The following PCM1 variants were observed in gnomAD, a reference collection of about 807,000 sequenced individuals.
PCM1 encodes pericentriolar material 1.
In PCM1, 157 loss-of-function variants were observed where a neutral mutation model predicts 241.9. The ratio of observed to expected loss-of-function variants is 0.65; its 90% CI spans 0.57 to 0.74. The LOEUF is 0.74. PCM1 is among the 30% of genes least tolerant of loss of function. The pLI, the probability that PCM1 is intolerant of heterozygous loss-of-function variation, is 0.00. For missense variants in PCM1, 3,478 were observed against 2,360.1 expected (o/e 1.47, Z -9.81); for synonymous variants, 1,085 against 784.9 (o/e 1.38, Z -6.39).
chr8:18,018,875 TATATACACAC>T (rs1305526440), intron 36 of PCM1, among the ~76,000 whole-genome samples: 1,013 of 48,462 alleles, frequency 0.021, 28 homozygotes, highest in African/African-American at 0.059. Context: ...TATATATATA[TATATACACAC>T]ACATATACAT....
chr8:17,947,468 A>C, intron 7 of PCM1, 105 bp downstream of exon 7: 1 of 858,972 alleles, frequency 1.2e-6, no homozygotes, highest in Non-Finnish European at 1.8e-6. Context: ...ATTGTTGTCT[A>C]GTTTAGAAAC....
At chr8:18,017,754 G>A (rs2093360084) in intron 36 of PCM1, among the ~76,000 whole-genome samples, 1 of 152,200 alleles carries the variant, frequency 6.6e-6, no homozygotes, top group Non-Finnish European at 1.5e-5. Context: ...ACAGGAGGCT[G>A]AGGCAGGAGA....
chr8:18,024,470 A>G (rs1219731200), intron 36 of PCM1, among the ~76,000 whole-genome samples: 1 of 152,214 alleles, frequency 6.6e-6, no homozygotes, highest in Admixed American at 6.5e-5. Context: ...TAACTCTTCT[A>G]ACTCTTTTGT....
chr8:17,999,865 C>T (rs2088608966), intron 29 of PCM1, among the ~76,000 whole-genome samples: 1 of 152,006 alleles, frequency 6.6e-6, no homozygotes, highest in Admixed American at 6.5e-5. Context: ...CCACAACATT[C>T]ATTCCAAAAT....
chr8:17,926,857 A>G (rs2057178034), intron 2 of PCM1: 1 of 152,160 alleles, frequency 6.6e-6, no homozygotes, highest in Non-Finnish European at 1.5e-5. Context: ...AGAAAGAGGA[A>G]CTTCAGAAGT....
chr8:17,979,311 A>C (rs2079869456), intron 23 of PCM1, among the ~76,000 whole-genome samples: 1 of 152,158 alleles, frequency 6.6e-6, no homozygotes, highest in Non-Finnish European at 1.5e-5. Context: ...AATAATTGGA[A>C]TTATAATGGT....
intron 13 of PCM1, among the ~76,000 whole-genome samples, chr8:17,958,425 A>C (rs1320574205): frequency 6.6e-6 from 1 of 152,216 alleles, no homozygotes; most frequent in African/African-American, 2.4e-5. Flanking sequence ...ACTATAATGT[A>C]CAATTGTATA....
At position 17,978,044 on chromosome 8, in the gene PCM1, T is replaced by C. The variant is rs143598474; in HGVS notation, c.3944-2547T>C. ...GAACAAAATATTGAACAAATACACT[T>C]GAACAAAATAATAAGGGCACATAAG... On this transcript the variant is annotated intron_variant, in intron 23 of 38. Transcript: ENST00000325083. 3.9e-5 allele frequency among the ~76,000 whole-genome samples: 6 copies of C among 152,092 alleles called. No homozygotes were observed. The East Asian group carries it at 9.7e-4, about 25-fold the overall frequency.
At chr8:17,969,418 T>G (rs1328006672) in intron 21 of PCM1, 159 bp from the exon 22 acceptor site, 2 of 594,102 alleles carry the variant, frequency 3.4e-6, no homozygotes, top group East Asian at 6.0e-5. Context: ...GCCTAAGCTG[T>G]GAACAGTGAT....
chr8:17,923,830 T>G, intron 1 of PCM1, among the ~76,000 whole-genome samples: 1 of 151,996 alleles, frequency 6.6e-6, no homozygotes, highest in East Asian at 1.9e-4. Context: ...CTAGTTAGAA[T>G]TGGGCCTAGA....
rs1194765643 is a variant in PCM1 at position 18,029,164 on chromosome 8, A to AAT, written c.*1503_*1504insTA. 5.6e-6 allele frequency: 1 copy of AAT among 179,392 alleles called. No homozygotes were observed. The highest frequency in any genetic ancestry group is 1.2e-5 in the Non-Finnish European group (1 of 84,716). 11.1% of individuals were successfully genotyped at this position (179,392 alleles called of 1,614,324 possible). On this transcript the variant is annotated 3_prime_UTR_variant, in exon 39 of 39. Coordinates refer to ENST00000325083, the MANE Select transcript of PCM1 (RefSeq NM_006197.4). ...AGAGCGAGACTCTGTCTCAAAAAAA[A>AAT]AAAAAAAAAAAAAAAAAAGTTAACT...
In PCM1 at chr8:18,025,785, G is replaced by C. The variant is rs141274110; in HGVS notation, c.6049+127G>C. 1.8e-5 allele frequency: 11 copies of C among 597,630 alleles called. No individual in the cohort carries two copies. The African/African-American group carries it at 1.9e-4, about 10-fold the overall frequency. 37.0% of individuals were successfully genotyped at this position (597,630 alleles called of 1,614,324 possible). On this transcript the variant is annotated intron_variant, in intron 38 of 38. Transcript: ENST00000325083. ...ATTTAAGCCAAATACTAGAAAGAAA[G>C]TGTAATTCTGTAAGAATTTTAGTTC...
chr8:17,954,427 C>CAAA (rs57686395), intron 9 of PCM1, among the ~76,000 whole-genome samples: 7 of 108,788 alleles, frequency 6.4e-5, no homozygotes, highest in African/African-American at 2.2e-4. Context: ...AACTCCATCT[C>CAAA]AAAAAAAAAA....
At chr8:17,995,353 G>A (rs1292054609) in intron 29 of PCM1, among the ~76,000 whole-genome samples, 2 of 151,226 alleles carry the variant, frequency 1.3e-5, no homozygotes, top group Non-Finnish European at 2.9e-5. Context: ...ATGTGGATTT[G>A]TTTCTGGGTT....
In PCM1 at chr8:17,953,030, T is replaced by A. The variant is rs772599725; in HGVS notation, c.1132T>A (p.Ser378Thr). Residue 378 changes from serine to threonine, a missense_variant, in exon 9 of 39, where the codon TCC becomes ACC. Coordinates refer to ENST00000325083, the MANE Select transcript of PCM1 (RefSeq NM_006197.4). Reference protein sequence around the residue: ...AESLSLTREVSQSRKPSASER... With the variant: ...AESLSLTREVTQSRKPSASER... ...AAGTCTTTCATTAACTAGGGAGGTT[T>A]CCCAGAGCAGGAAACCATCAGCTTC... 1.3e-5 allele frequency: 21 copies of A among 1,609,454 alleles called. No individual in the cohort carries two copies. Among genetic ancestry groups the A allele is most frequent in the Non-Finnish European group, 1.5e-5 (18 of 1,177,666 alleles).
intron 10 of PCM1, chr8:17,955,898 A>G (rs1292422560): frequency 5.9e-6 from 3 of 504,612 alleles, no homozygotes; most frequent in African/African-American, 1.9e-5. Flanking sequence ...AGGATCAAAA[A>G]TAAGATTACA....
chr8:17,997,787 A>T (rs1437169322), intron 29 of PCM1, among the ~76,000 whole-genome samples: 1 of 150,984 alleles, frequency 6.6e-6, no homozygotes, highest in Non-Finnish European at 1.5e-5. Context: ...GCACTTTGGG[A>T]GGCTGGGGCG....
chr8:17,944,307 T>C (rs1004558793), intron 6 of PCM1, among the ~76,000 whole-genome samples: 14 of 152,138 alleles, frequency 9.2e-5, no homozygotes, highest in African/African-American at 3.4e-4. Context: ...GAACCTGATT[T>C]CCCTTAACTG....
At chr8:17,986,351 G>T in intron 26 of PCM1, 1 of 224,058 alleles carries the variant, frequency 4.5e-6, no homozygotes, top group Non-Finnish European at 8.7e-6. Flanking sequence ...ACCCAGTATA[G>T]GGGCTGACTC....
Sources: allele counts gnomAD v4.1 joint callset (sites outside exome capture counted in the v4.1 genomes callset), GRCh38; gene constraint gnomAD v4.1.1; transcripts MANE v1.5; gene names NCBI Gene and HGNC (gene_info 2026-07-23, HGNC 2026-07-21).